Variants in AP2M1 observed in about 807,000 individuals in gnomAD.
AP2M1 encodes the protein adaptor related protein complex 2 subunit mu 1.
AP2M1 carries 5 observed loss-of-function variants against 54.5 expected under a neutral mutation model. The ratio of observed to expected loss-of-function variants is 0.09; its 90% CI spans 0.05 to 0.19. The LOEUF (loss-of-function observed/expected upper bound fraction) is 0.19, where lower values mean the gene tolerates loss of function less well. Ranked by LOEUF, AP2M1 falls within the 10% of genes least tolerant of loss-of-function variation. The pLI is 1.00. For synonymous variants in AP2M1, 186 were observed against 208.2 expected, an observed-to-expected ratio of 0.89 and a Z score of 0.92; for missense variants, 178 against 580.2, an observed-to-expected ratio of 0.31 and a Z score of 7.12.
At chr3:184,177,777 C>T (rs1266851976) in intron 2 of AP2M1, 3 of 664,900 alleles carry the variant, frequency 4.5e-6, no homozygotes, top group Non-Finnish European at 7.6e-6. Flanking sequence ...GGGACCTATC[C>T]TAGCCTCCGA....
At position 184,183,735 on chromosome 3, in the gene AP2M1, A is replaced by C. The variant is rs1715349550; in HGVS notation, c.*119A>C. On this transcript the variant is annotated 3_prime_UTR_variant, in exon 12 of 12. Coordinates refer to ENST00000292807, the MANE Select transcript of AP2M1 (RefSeq NM_004068.4). This position sits in a 1 kb window ranked among gnomAD's most constrained non-coding sequence, Gnocchi z 5.7. ...TCCTGCTTTGCTGCCTTCCCTTTGC[A>C]CCAGCCCGAGTCTAGGTCTGGGCCA... 8.1e-7 allele frequency: 1 copy of C among 1,239,160 alleles called. No homozygotes were observed. Among genetic ancestry groups the C allele is most frequent in the African/African-American group, 1.5e-5 (1 of 66,092 alleles). 76.8% of individuals were successfully genotyped at this position (1,239,160 alleles called of 1,614,324 possible). A position where few individuals can be genotyped will look rare whatever the true frequency, so the allele number is the denominator to read the frequency against.
At position 184,181,233 on chromosome 3, in the gene AP2M1, G is replaced by A. The variant is rs1326463117; in HGVS notation, c.707+7G>A. 6.2e-7 allele frequency: 1 copy of A among 1,613,860 alleles called. No homozygotes were observed. The highest frequency in any genetic ancestry group is 8.5e-7 in the Non-Finnish European group (1 of 1,180,014). The stretch of plus-strand genomic sequence containing the variant: ...CTGATGAAACAAGCAAGAGGTGCCT[G>A]AGGCAGGAGAGCTGGTGGGAGAGGG... On this transcript the variant is annotated splice_region_variant and intron_variant, in intron 7 of 11. Coordinates refer to ENST00000292807, the MANE Select transcript of AP2M1 (RefSeq NM_004068.4). This position sits in a 1 kb window ranked among gnomAD's most constrained non-coding sequence, Gnocchi z 5.7.
rs762646032 is a variant in AP2M1, at chr3:184,180,754, AGGGAT to A, written c.430-91_430-87del. 7.4e-6 allele frequency: 12 copies of A among 1,613,980 alleles called. No homozygotes were observed. In the African/African-American group the frequency reaches 1.6e-4, roughly 22 times the overall value. On this transcript the variant is annotated intron_variant, in intron 5 of 11. Transcript: ENST00000292807. The surrounding 1 kb of genome is among the most constrained non-coding windows in gnomAD (Gnocchi z 4.9). ...AAATGGATTACAGGTGGGGACTAGAAGGGATGGGGAATGAGGGTGGAGTGGGGATA... is the reference window on the plus strand; with the variant it reads ...AAATGGATTACAGGTGGGGACTAGAAGGGGAATGAGGGTGGAGTGGGGATA...
chr3:184,182,340 G>A lies in AP2M1; in HGVS notation c.1061+92G>A. On this transcript the variant is annotated intron_variant, in intron 10 of 11. Transcript: ENST00000292807. The surrounding 1 kb of genome is among the most constrained non-coding windows in gnomAD (Gnocchi z 5.5). Reference sequence around the variant, plus strand: ...TTGATCCTTCTGAATGAGGGGCAGGGGAGTGTGCCTGTTTGCTTTTCTAGG... The same window carrying A: ...TTGATCCTTCTGAATGAGGGGCAGGAGAGTGTGCCTGTTTGCTTTTCTAGG... The A allele has an allele frequency of 7.3e-7, 1 of 1,376,784 alleles. No individual in the cohort carries two copies. Among genetic ancestry groups the A allele is most frequent in the Non-Finnish European group, 9.9e-7 (1 of 1,012,830 alleles). The allele number at this position is 1,376,784 out of a possible 1,614,324, so 85.3% of individuals were successfully genotyped here. A position where few individuals can be genotyped will look rare whatever the true frequency, so the allele number is the denominator to read the frequency against.
In AP2M1 at chr3:184,181,698, G is replaced by C; in HGVS notation, c.710G>C (p.Gly237Ala). ...KGTADETSKS[G>A]KQSIAIDDCT... Reference sequence around the variant, plus strand: ...ACCTCTTCTGCCCCTGCTTGCAGCGGGAAGCAATCAATTGCCATTGATGAC... The same window carrying C: ...ACCTCTTCTGCCCCTGCTTGCAGCGCGAAGCAATCAATTGCCATTGATGAC... Residue 237 changes from glycine to alanine, a missense_variant and splice_region_variant, in exon 8 of 12, where the codon GGG (glycine) becomes GCG (alanine). Coordinates refer to ENST00000292807, the MANE Select transcript of AP2M1 (RefSeq NM_004068.4). This position sits in a 1 kb window ranked among gnomAD's most constrained non-coding sequence, Gnocchi z 5.7. 1 of 1,613,886 alleles carries C rather than the reference G, an allele frequency of 6.2e-7. No individual in the cohort carries two copies. The highest frequency in any genetic ancestry group is 8.5e-7 in the Non-Finnish European group (1 of 1,179,872).
chr3:184,177,208 G>C, intron 2 of AP2M1, 141 bp downstream of exon 2: 1 of 865,804 alleles, frequency 1.2e-6, no homozygotes. Context: ...AGCTAGTGTA[G>C]CCTGGCTCCC....
chr3:184,177,680 A>G (rs1715120134), intron 2 of AP2M1: 1 of 1,408,442 alleles, frequency 7.1e-7, no homozygotes, highest in African/African-American at 1.4e-5. Flanking sequence ...GACCCAGAGC[A>G]GCTCCATATC....
At position 184,180,544 on chromosome 3, in the gene AP2M1, T is replaced by C. The variant is rs1715239036; in HGVS notation, c.424-101T>C. 2 of 1,578,292 alleles carry C rather than the reference T, an allele frequency of 1.3e-6. No individual in the cohort carries two copies. Among genetic ancestry groups the C allele is most frequent in the Admixed American group, 3.4e-5 (2 of 58,802 alleles). On this transcript the variant is annotated intron_variant, in intron 4 of 11. Coordinates refer to ENST00000292807, the MANE Select transcript of AP2M1 (RefSeq NM_004068.4). This position sits in a 1 kb window ranked among gnomAD's most constrained non-coding sequence, Gnocchi z 4.9. Reference sequence around the variant, plus strand: ...CTGGTATTCCTCAGGAGGAGCGAGCTTGGGCCCTCTCCTCTAGGATCCAAG... The same window carrying C: ...CTGGTATTCCTCAGGAGGAGCGAGCCTGGGCCCTCTCCTCTAGGATCCAAG...
Position 184,183,104 on chromosome 3 carries a change from CTTAGA to C in AP2M1, c.1173+239_1173+243del. On this transcript the variant is annotated intron_variant, in intron 11 of 11. Coordinates refer to ENST00000292807, the MANE Select transcript of AP2M1 (RefSeq NM_004068.4). The surrounding 1 kb of genome is among the most constrained non-coding windows in gnomAD (Gnocchi z 5.7). ...GTCCTAACACAGTTCTTTCAAAAAACTTAGATTGTTTAAATGCCAGGTAAGACACA... is the reference window on the plus strand; with the variant it reads ...GTCCTAACACAGTTCTTTCAAAAAACTTGTTTAAATGCCAGGTAAGACACA... 1 of 581,726 alleles carries C rather than the reference CTTAGA, an allele frequency of 1.7e-6. No individual in the cohort carries two copies. The allele number at this position is 581,726 out of a possible 1,614,324, so 36.0% of individuals were successfully genotyped here.
rs899022905 is a variant in AP2M1 at position 184,178,072 on chromosome 3, G to A, written c.75-785G>A. 79 of 847,234 alleles carry A rather than the reference G, an allele frequency of 9.3e-5. No homozygotes were observed. The highest frequency in any genetic ancestry group is 6.1e-4 in the African/African-American group (35 of 57,792). The allele number at this position is 847,234 out of a possible 1,614,324, so 52.5% of individuals were successfully genotyped here. On this transcript the variant is annotated intron_variant, in intron 2 of 11. Coordinates refer to ENST00000292807, the MANE Select transcript of AP2M1 (RefSeq NM_004068.4). The surrounding 1 kb of genome is among the most constrained non-coding windows in gnomAD (Gnocchi z 4.9). Reference sequence around the variant, plus strand: ...TGGGCAAGCCAAGGCCAGGTCACACGCCGCCTTGCCTGTCTTGTCTGCTTC... The same window carrying A: ...TGGGCAAGCCAAGGCCAGGTCACACACCGCCTTGCCTGTCTTGTCTGCTTC...
chr3:184,181,375 T>C lies in AP2M1; in HGVS notation c.707+149T>C, dbSNP rs1192015113. On this transcript the variant is annotated intron_variant, in intron 7 of 11. Coordinates refer to ENST00000292807, the MANE Select transcript of AP2M1 (RefSeq NM_004068.4). The surrounding 1 kb of genome is among the most constrained non-coding windows in gnomAD (Gnocchi z 5.7). ...AAGCCTGGCTGTTCGCTCTTGACAT[T>C]AGTGCTACGAGAGATGAGGGGATCG... 18 of 1,224,806 alleles carry C rather than the reference T, an allele frequency of 1.5e-5. No homozygotes were observed. The Admixed American group carries it at 3.1e-4, about 21-fold the overall frequency. 75.9% of individuals were successfully genotyped at this position (1,224,806 alleles called of 1,614,324 possible). A position where few individuals can be genotyped will look rare whatever the true frequency, so the allele number is the denominator to read the frequency against.
rs1197822881 is a variant in AP2M1 at position 184,181,383 on chromosome 3, C to A, written c.707+157C>A. The A allele has an allele frequency of 2.6e-6, 3 of 1,168,202 alleles. No homozygotes were observed. The highest frequency in any genetic ancestry group is 3.6e-6 in the Non-Finnish European group (3 of 826,724). 72.4% of individuals were successfully genotyped at this position (1,168,202 alleles called of 1,614,324 possible). A position where few individuals can be genotyped will look rare whatever the true frequency, so the allele number is the denominator to read the frequency against. ...CTGTTCGCTCTTGACATTAGTGCTA[C>A]GAGAGATGAGGGGATCGTCCTCAGA... On this transcript the variant is annotated intron_variant, in intron 7 of 11. Transcript: ENST00000292807. This position sits in a 1 kb window ranked among gnomAD's most constrained non-coding sequence, Gnocchi z 5.7.
In AP2M1 at chr3:184,180,349, C is replaced by A; in HGVS notation, c.423+98C>A. ...GTCTGAGCTGACTCATGAGCCCTCC[C>A]ATGACAGGAAGTGCTGGCCTGAGCC... is the stretch of plus-strand genomic sequence containing the variant. On this transcript the variant is annotated intron_variant, in intron 4 of 11. Coordinates refer to ENST00000292807, the MANE Select transcript of AP2M1 (RefSeq NM_004068.4). The surrounding 1 kb of genome is among the most constrained non-coding windows in gnomAD (Gnocchi z 4.9). 7.0e-7 allele frequency: 1 copy of A among 1,432,604 alleles called. No homozygotes were observed. Among genetic ancestry groups the A allele is most frequent in the Non-Finnish European group, 9.6e-7 (1 of 1,040,914 alleles). 88.7% of individuals were successfully genotyped at this position (1,432,604 alleles called of 1,614,324 possible). A position where few individuals can be genotyped will look rare whatever the true frequency, so the allele number is the denominator to read the frequency against.
At position 184,180,528 on chromosome 3, in the gene AP2M1, C is replaced by A; in HGVS notation, c.424-117C>A. 1 of 1,531,996 alleles carries A rather than the reference C, an allele frequency of 6.5e-7. No individual in the cohort carries two copies. The highest frequency in any genetic ancestry group is 2.4e-4 in the Middle Eastern group (1 of 4,158). 94.9% of individuals were successfully genotyped at this position (1,531,996 alleles called of 1,614,324 possible). On this transcript the variant is annotated intron_variant, in intron 4 of 11. Coordinates refer to ENST00000292807, the MANE Select transcript of AP2M1 (RefSeq NM_004068.4). The surrounding 1 kb of genome is among the most constrained non-coding windows in gnomAD (Gnocchi z 4.9). ...GGCCTGGTCTTGAGGCCTGGTATTC[C>A]TCAGGAGGAGCGAGCTTGGGCCCTC...
At chr3:184,177,340 C>G (rs570359236) in intron 2 of AP2M1, among the ~76,000 whole-genome samples, 1 of 152,374 alleles carries the variant, frequency 6.6e-6, no homozygotes, top group East Asian at 1.9e-4. Flanking sequence ...TCTCTAGTTA[C>G]AGTGCCTTTG....
At chr3:184,176,137 C>T (rs1715066174) in intron 1 of AP2M1, among the ~76,000 whole-genome samples, 1 of 152,172 alleles carries the variant, frequency 6.6e-6, no homozygotes, top group African/African-American at 2.4e-5. Flanking sequence ...CCTGGAATCA[C>T]GATTTCAGAT....
rs755622712 is a variant in AP2M1, at chr3:184,178,920, C to T, written c.138C>T (p.Pro46=). ...VIHARQQVRS[P]VTNIARTSFF... The stretch of plus-strand genomic sequence containing the variant: ...ATGCCCGGCAGCAGGTGCGCAGCCC[C>T]GTCACCAACATTGCTCGCACCAGCT... The change falls in exon 3 of 12, where the codon CCC becomes CCT. Residue 46 remains proline, a synonymous_variant. Transcript: ENST00000292807. The surrounding 1 kb of genome is among the most constrained non-coding windows in gnomAD (Gnocchi z 4.9). 2.3e-5 allele frequency: 37 copies of T among 1,614,110 alleles called. No individual in the cohort carries two copies. Among genetic ancestry groups the T allele is most frequent in the South Asian group, 1.3e-4 (12 of 91,078 alleles).
At position 184,180,382 on chromosome 3, in the gene AP2M1, A is replaced by G; in HGVS notation, c.423+131A>G. 8.1e-7 allele frequency: 1 copy of G among 1,241,266 alleles called. No individual in the cohort carries two copies. Among genetic ancestry groups the G allele is most frequent in the Non-Finnish European group, 1.1e-6 (1 of 887,812 alleles). 76.9% of individuals were successfully genotyped at this position (1,241,266 alleles called of 1,614,324 possible). ...GAAGTGCTGGCCTGAGCCTCCTGCC[A>G]TGATTGCAGGCCGATTTTGCTCTGT... On this transcript the variant is annotated intron_variant, in intron 4 of 11. Transcript: ENST00000292807. This position sits in a 1 kb window ranked among gnomAD's most constrained non-coding sequence, Gnocchi z 4.9.
Position 184,178,343 on chromosome 3 carries a change from G to A in AP2M1, c.75-514G>A, listed in dbSNP as rs1715156321. 4 of 1,296,554 alleles carry A rather than the reference G, an allele frequency of 3.1e-6. No individual in the cohort carries two copies. Among genetic ancestry groups the A allele is most frequent in the Admixed American group, 2.0e-5 (1 of 50,672 alleles). 80.3% of individuals were successfully genotyped at this position (1,296,554 alleles called of 1,614,324 possible). Reference sequence around the variant, plus strand: ...TGGAGTTGGATCCTGGGCAAGAATGGGTAGCACAATTCCATGGCCCCTTGG... The same window carrying A: ...TGGAGTTGGATCCTGGGCAAGAATGAGTAGCACAATTCCATGGCCCCTTGG... On this transcript the variant is annotated intron_variant, in intron 2 of 11. Coordinates refer to ENST00000292807, the MANE Select transcript of AP2M1 (RefSeq NM_004068.4). The surrounding 1 kb of genome is among the most constrained non-coding windows in gnomAD (Gnocchi z 4.9).
Sources: gnomAD v4.1 joint callset for allele counts (sites outside exome capture counted in the v4.1 genomes callset) on GRCh38, gnomAD v4.1.1 for gene constraint, Gnocchi (gnomAD v3.1) non-coding constraint, MANE v1.5 for transcripts, NCBI Gene and HGNC (gene_info 2026-07-23, HGNC 2026-07-21) for gene names.